The following VWDE variants were observed in gnomAD, a reference collection of about 807,000 sequenced individuals.
VWDE encodes the protein von Willebrand factor D and EGF domain-containing protein.
In VWDE, 207 loss-of-function variants were observed where a neutral mutation model predicts 178.4. That is an observed-to-expected ratio of 1.16 (90% CI 1.04 to 1.30). VWDE has a LOEUF of 1.30. Ranked by LOEUF, VWDE falls within the 50% of genes most tolerant of loss-of-function variation. The pLI is 0.00. For synonymous variants in VWDE, 738 were observed against 651.4 expected (o/e 1.13, Z -2.02); for missense variants, 2,287 against 1,901.3 (o/e 1.20, Z -3.77).
At chr7:12,350,929 A>G (rs953084272) in intron 19 of VWDE, among the ~76,000 whole-genome samples, 2 of 152,128 alleles carry the variant, frequency 1.3e-5, no homozygotes, top group African/African-American at 2.4e-5. Flanking sequence ...AAAAACAATT[A>G]TTGTCTGCCT....
intron 2 of VWDE, among the ~76,000 whole-genome samples, chr7:12,391,645 CTAA>C (rs1348929004): frequency 6.6e-6 from 1 of 152,072 alleles, no homozygotes; most frequent in African/African-American, 2.4e-5. Context: ...ACAAAAGCGA[CTAA>C]TGAGCAAATA....
chr7:12,357,532 A>C lies in VWDE; in HGVS notation c.3275-17T>G. On this transcript the variant is annotated splice_polypyrimidine_tract_variant and intron_variant, in intron 16 of 28. Coordinates refer to ENST00000275358, the MANE Select transcript of VWDE (RefSeq NM_001135924.3). ...GCTGGTTGTCTGTAATAGAGAAAAC[A>C]CTTAACTTTATACCCGTGTAGAAAA... The C allele has an allele frequency of 6.4e-7, 1 of 1,551,492 alleles. No individual in the cohort carries two copies. The highest frequency in any genetic ancestry group is 8.7e-7 in the Non-Finnish European group (1 of 1,146,748).
chr7:12,393,662 G>T lies in VWDE; in HGVS notation c.175C>A (p.Leu59Ile). Residue 59 changes from leucine (L) to isoleucine (I), a missense_variant, in exon 2 of 29, where the codon CTC (leucine) becomes ATC (isoleucine). Coordinates refer to ENST00000275358, the MANE Select transcript of VWDE (RefSeq NM_001135924.3). ...AVQDLICDHS[L>I]SPGWYRFLIL... ...AGAAATCTATACCATCCAGGGGAGAGGGAATGGTCACATATTAGGTCTTGA... is the reference window on the plus strand; with the variant it reads ...AGAAATCTATACCATCCAGGGGAGATGGAATGGTCACATATTAGGTCTTGA... The T allele has an allele frequency of 6.4e-7, 1 of 1,551,228 alleles. No homozygotes were observed. Among genetic ancestry groups the T allele is most frequent in the Non-Finnish European group, 8.7e-7 (1 of 1,146,682 alleles).
intron 3 of VWDE, among the ~76,000 whole-genome samples, chr7:12,386,705 G>C (rs971393607): frequency 6.6e-6 from 1 of 152,140 alleles, no homozygotes; most frequent in Non-Finnish European, 1.5e-5. Flanking sequence ...TTTGTTAGAC[G>C]TTTCGCTGGT....
At chr7:12,348,169 G>C (rs1390157189) in intron 19 of VWDE, among the ~76,000 whole-genome samples, 3 of 145,338 alleles carry the variant, frequency 2.1e-5, no homozygotes, top group African/African-American at 5.3e-5. Flanking sequence ...CATGGGCAAG[G>C]ACTTCATGTC....
chr7:12,389,362 T>C lies in VWDE; in HGVS notation c.244-4A>G. The C allele has an allele frequency of 6.5e-7, 1 of 1,531,962 alleles. No homozygotes were observed. Among genetic ancestry groups the C allele is most frequent in the Non-Finnish European group, 8.8e-7 (1 of 1,131,482 alleles). 94.9% of individuals were successfully genotyped at this position (1,531,962 alleles called of 1,614,324 possible). ...CCTGAGTTCCACAATGGTTCATCTT[T>C]TGCAGGAGAGAAAACAAAAGTTGAA... On this transcript the variant is annotated splice_region_variant and splice_polypyrimidine_tract_variant and intron_variant, in intron 2 of 28. Coordinates refer to ENST00000275358, the MANE Select transcript of VWDE (RefSeq NM_001135924.3).
In VWDE at chr7:12,383,564, A is replaced by T; in HGVS notation, c.513T>A (p.Asp171Glu). The change falls in exon 4 of 29, where the codon GAT becomes GAA. Residue 171 changes from aspartate (D) to glutamate (E), a missense_variant. Coordinates refer to ENST00000275358, the MANE Select transcript of VWDE (RefSeq NM_001135924.3). ...CACAATCACCTCCTGTTTCAGTTTC[A>T]TCAGAACCACATGGGTGTAATCGTG... ...SDARLHPCGS[D>E]ETETGGDCVR... The T allele has an allele frequency of 1.9e-6, 3 of 1,550,622 alleles. No individual in the cohort carries two copies. The highest frequency in any genetic ancestry group is 2.6e-6 in the Non-Finnish European group (3 of 1,146,034).
rs1281868102 is a variant in VWDE at position 12,374,751 on chromosome 7, C to G, written c.1254G>C (p.Lys418Asn). 8.5e-6 allele frequency: 13 copies of G among 1,534,962 alleles called. No homozygotes were observed. In the African/African-American group the frequency reaches 1.7e-4, roughly 20 times the overall value. The change falls in exon 9 of 29, where the codon AAG becomes AAC. Residue 418 changes from lysine to asparagine, a missense_variant. Coordinates refer to ENST00000275358, the MANE Select transcript of VWDE (RefSeq NM_001135924.3). The stretch of plus-strand genomic sequence containing the variant: ...TATAGCAGTAAGCAGTTGGGACATC[C>G]TTTACTTTGATCTTAAAAGCAAAGA... Reference protein sequence around the residue: ...YIPDSIQIKVKDVPTAYCYTF... With the variant: ...YIPDSIQIKVNDVPTAYCYTF...
rs1783688115 is a variant in VWDE, at chr7:12,378,998, G to A, written c.879+479C>T. The stretch of plus-strand genomic sequence containing the variant: ...CCCTGTCATCTCTGCTCATCTGCTA[G>A]AATAGCTCTTCAGTTCTTGGATCCT... On this transcript the variant is annotated intron_variant, in intron 6 of 28. Coordinates refer to ENST00000275358, the MANE Select transcript of VWDE (RefSeq NM_001135924.3). 2.6e-5 allele frequency among the ~76,000 whole-genome samples: 4 copies of A among 152,082 alleles called. No individual in the cohort carries two copies. In the South Asian group the frequency reaches 8.3e-4, roughly 32 times the overall value.
intron 28 of VWDE, among the ~76,000 whole-genome samples, chr7:12,333,106 T>C (rs1339537896): frequency 6.6e-6 from 1 of 152,196 alleles, no homozygotes; most frequent in South Asian, 2.1e-4. Context: ...TTTAATCCTA[T>C]ATGAAGAAAT....
chr7:12,392,915 T>C (rs182661233), intron 2 of VWDE, among the ~76,000 whole-genome samples: 1 of 151,858 alleles, frequency 6.6e-6, no homozygotes, highest in Non-Finnish European at 1.5e-5. Flanking sequence ...TATTCACAAG[T>C]ATAAAGAAAA....
rs1444348414 is a variant in VWDE at position 12,367,303 on chromosome 7, T to C, written c.2898+54A>G. 3.0e-6 allele frequency: 4 copies of C among 1,354,216 alleles called. No individual in the cohort carries two copies. In the East Asian group the frequency reaches 8.4e-5, roughly 28 times the overall value. The allele number at this position is 1,354,216 out of a possible 1,614,324, so 83.9% of individuals were successfully genotyped here. ...TAGACCGAATTAATCCAAGATAATATTAATCTGAGTATCTCATACACTCTA... is the reference window on the plus strand; with the variant it reads ...TAGACCGAATTAATCCAAGATAATACTAATCTGAGTATCTCATACACTCTA... On this transcript the variant is annotated intron_variant, in intron 13 of 28. Coordinates refer to ENST00000275358, the MANE Select transcript of VWDE (RefSeq NM_001135924.3).
chr7:12,343,052 T>C (rs919666409), intron 22 of VWDE, 31 bp downstream of exon 22: 50 of 1,497,758 alleles, frequency 3.3e-5, no homozygotes, highest in Non-Finnish European at 4.3e-5. Context: ...AGCAGTTTCA[T>C]TATATCAGAC....
intron 22 of VWDE, among the ~76,000 whole-genome samples, chr7:12,342,545 A>T (rs1781386954): frequency 6.6e-6 from 1 of 152,104 alleles, no homozygotes. Flanking sequence ...AGTACTGGCC[A>T]CTGTGGTTGA....
chr7:12,337,194 C>G lies in VWDE; in HGVS notation c.4445G>C (p.Gly1482Ala). The G allele has an allele frequency of 6.4e-7, 1 of 1,551,872 alleles. No individual in the cohort carries two copies. The highest frequency in any genetic ancestry group is 8.7e-7 in the Non-Finnish European group (1 of 1,146,996). ...NVCVCREGYT[G>A]RRFQKSICDP... Reference sequence around the variant, plus strand: ...TGTCTTACTTTTTTGGAATCTCCTACCAGTGTATCCTTCACGACAGACGCA... The same window carrying G: ...TGTCTTACTTTTTTGGAATCTCCTAGCAGTGTATCCTTCACGACAGACGCA... The change falls in exon 25 of 29, where the codon GGT becomes GCT. Residue 1482 changes from glycine (G) to alanine (A), a missense_variant. Coordinates refer to ENST00000275358, the MANE Select transcript of VWDE (RefSeq NM_001135924.3).
intron 27 of VWDE, among the ~76,000 whole-genome samples, chr7:12,334,392 A>G (rs1309114282): frequency 6.6e-6 from 1 of 152,182 alleles, no homozygotes; most frequent in Non-Finnish European, 1.5e-5. Context: ...TCAATATCAC[A>G]TACTTGAAGC....
intron 3 of VWDE, among the ~76,000 whole-genome samples, chr7:12,387,788 T>A (rs1784177636): frequency 6.6e-6 from 1 of 152,174 alleles, no homozygotes; most frequent in Non-Finnish European, 1.5e-5. Flanking sequence ...AGTGTTCATC[T>A]GCTTTGATAA....
In VWDE at chr7:12,389,258, G is replaced by A; in HGVS notation, c.344C>T (p.Thr115Ile). The A allele has an allele frequency of 6.4e-7, 1 of 1,551,670 alleles. No homozygotes were observed. The highest frequency in any genetic ancestry group is 8.7e-7 in the Non-Finnish European group (1 of 1,146,984). Residue 115 changes from threonine (T) to isoleucine (I), a missense_variant, in exon 3 of 29, where the codon ACA (threonine) becomes ATA (isoleucine). Thr to Ile is a moderately conservative substitution (Grantham distance 89). Transcript: ENST00000275358. ...TGTAGTGCTGAACAAAAACTGCCAT[G>A]TTGCACAAGCTGTCAATTGCTTGAT... ...GEIKQLTACA[T>I]WQFLFSTTKD...
intron 1 of VWDE, among the ~76,000 whole-genome samples, chr7:12,398,853 A>G (rs1315614845): frequency 6.6e-6 from 1 of 152,120 alleles, no homozygotes; most frequent in African/African-American, 2.4e-5. Flanking sequence ...GGGTACCCAC[A>G]GACATAAAGA....
Sources: allele counts gnomAD v4.1 joint callset (sites outside exome capture counted in the v4.1 genomes callset), GRCh38; gene constraint gnomAD v4.1.1; transcripts MANE v1.5; gene names NCBI Gene and HGNC (gene_info 2026-07-23, HGNC 2026-07-21).